HRH2: variants seen among roughly 807,000 people sequenced by gnomAD.
HRH2 encodes histamine receptor H2, also known as histamine H2 receptor.
Under a neutral mutation model 20.1 loss-of-function variants are expected in HRH2, and 4 were observed. The ratio of observed to expected loss-of-function variants is 0.20; its 90% CI spans 0.10 to 0.45. The LOEUF (loss-of-function observed/expected upper bound fraction) is 0.45, where lower values mean the gene tolerates loss of function less well. HRH2 is among the 20% of genes least tolerant of loss of function. HRH2 has a pLI of 0.99. For missense variants in HRH2, 250 were observed against 461.6 expected (o/e 0.54, Z 4.20); for synonymous variants, 197 against 200.7 (o/e 0.98, Z 0.16).
In HRH2 at chr5:175,681,579, G is replaced by T. The variant is rs1755974820; in HGVS notation, c.-525-1130G>T. ...AATCATATACAGCCACCACTGGGAG[G>T]GAGCCTTGGAGATTACCTAGTGACC... On this transcript the variant is annotated intron_variant, in intron 1 of 2. Coordinates refer to ENST00000636584, the MANE Select transcript of HRH2 (RefSeq NM_001367711.1). This position sits in a 1 kb window ranked among gnomAD's most constrained non-coding sequence, Gnocchi z 4.3. 6.6e-6 allele frequency among the ~76,000 whole-genome samples: 1 copy of T among 152,194 alleles called. No homozygotes were observed.
chr5:175,675,630 G>C (rs1393242472), intron 1 of HRH2, among the ~76,000 whole-genome samples: 1 of 152,186 alleles, frequency 6.6e-6, no homozygotes, highest in Non-Finnish European at 1.5e-5. Flanking sequence ...CATCTGGACT[G>C]AGTGGACCAA....
Position 175,683,109 on chromosome 5 carries a change from AAAAC to A in HRH2, c.-124_-121del. On this transcript the variant is annotated 5_prime_UTR_variant, in exon 2 of 3. In the 5' UTR this introduces an upstream ATG that the reference lacks. Coordinates refer to ENST00000636584, the MANE Select transcript of HRH2 (RefSeq NM_001367711.1). ...CCCTGGCCAAAAAAAAAAAAAAAAA[AAAAC>A]TGGACACATTTTGGATCTGTTGGGA... The A allele has an allele frequency of 1.6e-6, 2 of 1,281,136 alleles. No homozygotes were observed. The highest frequency in any genetic ancestry group is 2.1e-6 in the Non-Finnish European group (2 of 941,720). 79.4% of individuals were successfully genotyped at this position (1,281,136 alleles called of 1,614,324 possible).
At chr5:175,670,152 C>A (rs1026020035) in intron 1 of HRH2, among the ~76,000 whole-genome samples, 1 of 152,092 alleles carries the variant, frequency 6.6e-6, no homozygotes, top group Non-Finnish European at 1.5e-5. Flanking sequence ...GGCTGTTTTT[C>A]AAGAGTAATT....
In HRH2 at chr5:175,683,404, C is replaced by T. The variant is rs1307346770; in HGVS notation, c.171C>T (p.Ile57=). 20 of 1,614,218 alleles carry T rather than the reference C, an allele frequency of 1.2e-5. No individual in the cohort carries two copies. The East Asian group carries it at 3.3e-4, about 27-fold the overall frequency. ...RRLRNLTNCF[I]VSLAITDLLL... ...TCCGCAACCTGACCAATTGTTTCAT[C>T]GTGTCCTTGGCTATCACTGACCTGC... The change falls in exon 2 of 3, where the codon ATC becomes ATT. Residue 57 remains isoleucine (I), a synonymous_variant. Coordinates refer to ENST00000636584, the MANE Select transcript of HRH2 (RefSeq NM_001367711.1).
chr5:175,684,367 T>A, intron 2 of HRH2, 58 bp downstream of exon 2: 2 of 1,573,294 alleles, frequency 1.3e-6, no homozygotes. Context: ...ATGCTACTGA[T>A]GGGAATGATT....
At position 175,707,906 on chromosome 5, in the gene HRH2, T is replaced by C; in HGVS notation, c.1204T>C (p.Ser402Pro). Residue 402 changes from serine (S) to proline (P), a missense_variant, in exon 3 of 3, where the codon TCT becomes CCT. Ser to Pro is a moderately conservative substitution (Grantham distance 74). This residue lies in a region of HRH2 where 55 missense variants were observed against 66.9 expected (regional missense o/e 0.82). Coordinates refer to ENST00000636584, the MANE Select transcript of HRH2 (RefSeq NM_001367711.1). ...GGAGGAGCTATCGGGGGAGCCACTG[T>C]CTGAGGAGCCACAGAAGAGACCTCC... is the stretch of plus-strand genomic sequence containing the variant. ...PSEELSGEPL[S>P]EEPQKRPPQK... 2.5e-6 allele frequency: 1 copy of C among 399,190 alleles called. No homozygotes were observed. The allele number at this position is 399,190 out of a possible 1,614,324, so 24.7% of individuals were successfully genotyped here.
chr5:175,663,516 A>G (rs12652842), intron 1 of HRH2, among the ~76,000 whole-genome samples: 12,393 of 152,224 alleles, frequency 0.081, 857 homozygotes, highest in African/African-American at 0.19. Context: ...TCACTCCCTT[A>G]CTTGGACTGA....
chr5:175,675,536 C>T (rs1755725754), intron 1 of HRH2, among the ~76,000 whole-genome samples: 1 of 152,234 alleles, frequency 6.6e-6, no homozygotes, highest in Non-Finnish European at 1.5e-5. Context: ...GACAGTTGGA[C>T]TGCAAAACCT....
At chr5:175,695,961 C>T (rs1208825266) in intron 2 of HRH2, among the ~76,000 whole-genome samples, 1 of 152,254 alleles carries the variant, frequency 6.6e-6, no homozygotes, top group Non-Finnish European at 1.5e-5. Context: ...CAAGACACAG[C>T]GCTCAACAGC....
At chr5:175,684,994 C>T (rs1645009131) in intron 2 of HRH2, among the ~76,000 whole-genome samples, 1 of 151,950 alleles carries the variant, frequency 6.6e-6, no homozygotes, top group South Asian at 2.1e-4. Flanking sequence ...AAGATGTGGA[C>T]CAGAGGATGA....
At chr5:175,659,504 A>C (rs373054140) in intron 1 of HRH2, among the ~76,000 whole-genome samples, 2 of 152,278 alleles carry the variant, frequency 1.3e-5, no homozygotes, top group East Asian at 1.9e-4. Context: ...CATTACAAGT[A>C]CGGCGTTGGT....
chr5:175,682,103 T>G (rs902541866), intron 1 of HRH2, among the ~76,000 whole-genome samples: 4 of 152,280 alleles, frequency 2.6e-5, no homozygotes, highest in African/African-American at 9.6e-5. Flanking sequence ...CACGCTCTTC[T>G]GTCGGCACGT....
rs1373542298 is a variant in HRH2 at position 175,673,795 on chromosome 5, C to G, written c.-525-8914C>G. ...CTCCGCTCAATGCAACCTCCGCCCC[C>G]CTGGGTTTAAGCCATTCTCTTGCCT... On this transcript the variant is annotated intron_variant, in intron 1 of 2. Coordinates refer to ENST00000636584, the MANE Select transcript of HRH2 (RefSeq NM_001367711.1). 2.0e-4 allele frequency among the ~76,000 whole-genome samples: 30 copies of G among 151,904 alleles called. 1 individual carries two copies. Among genetic ancestry groups the G allele is most frequent in the Admixed American group, 2.0e-3 (30 of 15,248 alleles).
intron 1 of HRH2, among the ~76,000 whole-genome samples, chr5:175,675,250 T>G (rs555290026): frequency 6.6e-6 from 1 of 152,312 alleles, no homozygotes; most frequent in African/African-American, 2.4e-5. Flanking sequence ...TGTAGTAGTA[T>G]CATTCTCATG....
chr5:175,695,322 G>C (rs1238544569), intron 2 of HRH2, among the ~76,000 whole-genome samples: 2 of 152,086 alleles, frequency 1.3e-5, no homozygotes, highest in Non-Finnish European at 2.9e-5. Flanking sequence ...CAAAGGGGAT[G>C]TTACTAGTAC....
chr5:175,658,931 C>G (rs1044807708), intron 1 of HRH2, among the ~76,000 whole-genome samples: 1 of 152,124 alleles, frequency 6.6e-6, no homozygotes, highest in South Asian at 2.1e-4. Context: ...TGTTGTGAGG[C>G]GAAAGAGGTG....
intron 1 of HRH2, among the ~76,000 whole-genome samples, chr5:175,661,446 C>T (rs540886361): frequency 6.6e-6 from 1 of 152,198 alleles, no homozygotes; most frequent in Admixed American, 6.5e-5. Context: ...CCCATGATAA[C>T]CCTATGGGTC....
intron 1 of HRH2, among the ~76,000 whole-genome samples, chr5:175,666,309 G>T (rs187831772): frequency 1.3e-5 from 2 of 152,330 alleles, no homozygotes; most frequent in African/African-American, 4.8e-5. Flanking sequence ...GCGTCATTGG[G>T]CTCTCTGGAA....
intron 2 of HRH2, among the ~76,000 whole-genome samples, chr5:175,685,089 G>T (rs1050976129): frequency 1.4e-4 from 21 of 152,172 alleles, no homozygotes; most frequent in African/African-American, 5.1e-4. Flanking sequence ...GATCTTAAAA[G>T]CTTGCAGACT....
Sources: gnomAD v4.1 joint callset for allele counts (sites outside exome capture counted in the v4.1 genomes callset) on GRCh38, gnomAD v4.1.1 for gene constraint, gnomAD v4.1.1 regional missense constraint, Gnocchi (gnomAD v3.1) non-coding constraint, MANE v1.5 for transcripts, NCBI Gene and HGNC (gene_info 2026-07-23, HGNC 2026-07-21) for gene names.